The following GMPR2 variants were observed in gnomAD, a reference collection of about 807,000 sequenced individuals.
GMPR2 encodes the protein GMP reductase 2.
GMPR2 carries 32 observed loss-of-function variants against 38.5 expected under a neutral mutation model. The ratio of observed to expected loss-of-function variants is 0.83; its 90% CI spans 0.63 to 1.12. The LOEUF (loss-of-function observed/expected upper bound fraction) is 1.12, where lower values mean the gene tolerates loss of function less well. Ranked by LOEUF, GMPR2 falls within the 50% of genes most tolerant of loss-of-function variation. The pLI is 0.00. For missense variants in GMPR2, 396 were observed against 432.1 expected, an observed-to-expected ratio of 0.92 and a Z score of 0.74; for synonymous variants, 154 against 151.0, an observed-to-expected ratio of 1.02 and a Z score of -0.15.
At position 24,235,810 on chromosome 14, in the gene GMPR2, A is replaced by T; in HGVS notation, c.281A>T (p.Asp94Val). 6.2e-7 allele frequency: 1 copy of T among 1,612,656 alleles called. No homozygotes were observed. The highest frequency in any genetic ancestry group is 2.2e-5 in the East Asian group (1 of 44,880). ...CAAGAGTTTGCTGGCCAGAATCCTG[A>T]CTGTCTTGAGGTAACACTGGGCATA... Reference protein sequence around the residue: ...QWQEFAGQNPDCLEHLAASSG... With the variant: ...QWQEFAGQNPVCLEHLAASSG... The change falls in exon 4 of 10, where the codon GAC (aspartate) becomes GTC (valine). Residue 94 changes from aspartate (D) to valine (V), a missense_variant. By Grantham distance (152) the Asp-to-Val change is radical. Transcript: ENST00000399440.
At chr14:24,237,870 C>A in intron 8 of GMPR2, 1 of 496,648 alleles carries the variant, frequency 2.0e-6, no homozygotes, top group Non-Finnish European at 3.6e-6. Flanking sequence ...TTTTGCACAG[C>A]TTCCCAGGAG....
Position 24,238,881 on chromosome 14 carries a change from C to T in GMPR2, c.*103C>T, listed in dbSNP as rs1705380309. ...CTACTGCAGCTCTGTATTACTTTGTCATTTCCTGTTGTCTCACTCCTGAGG... is the reference window on the plus strand; with the variant it reads ...CTACTGCAGCTCTGTATTACTTTGTTATTTCCTGTTGTCTCACTCCTGAGG... On this transcript the variant is annotated 3_prime_UTR_variant, in exon 10 of 10. Coordinates refer to ENST00000399440, the MANE Select transcript of GMPR2 (RefSeq NM_001002002.3). 1.0e-6 allele frequency: 1 copy of T among 965,254 alleles called. No individual in the cohort carries two copies. The highest frequency in any genetic ancestry group is 1.6e-5 in the African/African-American group (1 of 62,418). 59.8% of individuals were successfully genotyped at this position (965,254 alleles called of 1,614,324 possible).
chr14:24,238,227 C>T lies in GMPR2; in HGVS notation c.698-19C>T, dbSNP rs1289929901. 3 of 1,596,340 alleles carry T rather than the reference C, an allele frequency of 1.9e-6. No individual in the cohort carries two copies. The African/African-American group carries it at 4.0e-5, about 21-fold the overall frequency. ...CCTTGGCCAGATTAATCTCTTTCCCCCCTCCATGATGGTGGCAGGGGCAGG... is the reference window on the plus strand; with the variant it reads ...CCTTGGCCAGATTAATCTCTTTCCCTCCTCCATGATGGTGGCAGGGGCAGG... On this transcript the variant is annotated intron_variant, in intron 8 of 9. Transcript: ENST00000399440.
At chr14:24,234,342 C>A in intron 3 of GMPR2, 1 of 603,512 alleles carries the variant, frequency 1.7e-6, no homozygotes, top group South Asian at 1.9e-5. Context: ...CTCCATTAGT[C>A]TTAAGGACTT....
chr14:24,236,039 C>T lies in GMPR2; in HGVS notation c.364C>T (p.Gln122Ter). 2 of 1,613,550 alleles carry T rather than the reference C, an allele frequency of 1.2e-6. No homozygotes were observed. Among genetic ancestry groups the T allele is most frequent in the Non-Finnish European group, 1.7e-6 (2 of 1,179,436 alleles). ...QLEQILEAIP[Q>*]VKYICLDVAN... ...GGAACAGATCCTGGAAGCTATTCCC[C>T]AGGTGAAGTATATATGCCTGGATGT... is the stretch of plus-strand genomic sequence containing the variant. Residue 122 changes from glutamine to a stop codon, truncating the protein, a stop_gained, in exon 5 of 10, where the codon CAG (glutamine) becomes TAG (stop). Coordinates refer to ENST00000399440, the MANE Select transcript of GMPR2 (RefSeq NM_001002002.3). LOFTEE classifies it high-confidence loss of function.
chr14:24,237,010 A>G, intron 5 of GMPR2, 61 bp from the exon 6 acceptor site: 1 of 1,228,864 alleles, frequency 8.1e-7, no homozygotes, highest in African/African-American at 1.5e-5. Flanking sequence ...GCATACCGTA[A>G]CAATACATGA....
chr14:24,234,113 G>A, intron 3 of GMPR2: 2 of 1,289,110 alleles, frequency 1.6e-6, no homozygotes, highest in Non-Finnish European at 1.0e-6. Context: ...TAAGTCCTAG[G>A]TTCCTGGGAG....
At chr14:24,237,915 C>T (rs1566684359) in intron 8 of GMPR2, 2 of 472,598 alleles carry the variant, frequency 4.2e-6, no homozygotes, top group Non-Finnish European at 3.7e-6. Flanking sequence ...GATCTTTGCT[C>T]TTGGGACACA....
intron 4 of GMPR2, 60 bp from the exon 5 acceptor site, chr14:24,235,907 G>A: frequency 6.3e-7 from 1 of 1,588,334 alleles, no homozygotes; most frequent in Non-Finnish European, 8.6e-7. Context: ...ACTCACCAAT[G>A]ACCCACTGGC....
Position 24,239,175 on chromosome 14 carries a change from T to C in GMPR2, c.*397T>C, listed in dbSNP as rs1422566309. 5.4e-6 allele frequency: 2 copies of C among 371,246 alleles called. No individual in the cohort carries two copies. The highest frequency in any genetic ancestry group is 4.2e-5 in the African/African-American group (2 of 47,084). The allele number at this position is 371,246 out of a possible 1,614,324, so 23.0% of individuals were successfully genotyped here. ...CTTCACTAAATTGGACCTTCACATA[T>C]CTAAAAAGCTCTGAAGTGTTTGTAT... is the stretch of plus-strand genomic sequence containing the variant. On this transcript the variant is annotated 3_prime_UTR_variant, in exon 10 of 10. Coordinates refer to ENST00000399440, the MANE Select transcript of GMPR2 (RefSeq NM_001002002.3).
intron 3 of GMPR2, chr14:24,234,268 A>G (rs901288736): frequency 7.0e-6 from 9 of 1,283,850 alleles, no homozygotes; most frequent in African/African-American, 3.0e-5. Flanking sequence ...GCACTTTGAG[A>G]ACATATGCAC....
In GMPR2 at chr14:24,233,200, A is replaced by G; in HGVS notation, c.-35-19A>G. 6.2e-7 allele frequency: 1 copy of G among 1,612,924 alleles called. No individual in the cohort carries two copies. The highest frequency in any genetic ancestry group is 8.5e-7 in the Non-Finnish European group (1 of 1,179,994). On this transcript the variant is annotated intron_variant, in intron 1 of 9. Coordinates refer to ENST00000399440, the MANE Select transcript of GMPR2 (RefSeq NM_001002002.3). ...AAAGCCCAGGGGAAGATTGGTCCTT[A>G]TGACTTCCTGCCTTCCAGCCCTCAG... is the stretch of plus-strand genomic sequence containing the variant.
chr14:24,236,791 T>C lies in GMPR2; in HGVS notation c.466-280T>C, dbSNP rs545211474. ...TGTGTCCCTGTTGATCATAGCACCT[T>C]GTTGCCTTAGAAAAGTGCATCATGG... On this transcript the variant is annotated intron_variant, in intron 5 of 9. Transcript: ENST00000399440. Among the ~76,000 whole-genome samples, 75 of 152,334 alleles carry C rather than the reference T, an allele frequency of 4.9e-4. 2 individuals are homozygous for C. Among genetic ancestry groups the C allele is most frequent in the Admixed American group, 4.8e-3 (74 of 15,308 alleles).
chr14:24,238,701 C>T lies in GMPR2; in HGVS notation c.970C>T (p.Leu324Phe). 1 of 1,613,986 alleles carries T rather than the reference C, an allele frequency of 6.2e-7. No homozygotes were observed. Among genetic ancestry groups the T allele is most frequent in the Non-Finnish European group, 8.5e-7 (1 of 1,179,908 alleles). ...GTGTACCTATGTGGGAGCAGCTAAGCTCAAAGAGTTGAGCAGGAGAACTAC... is the reference window on the plus strand; with the variant it reads ...GTGTACCTATGTGGGAGCAGCTAAGTTCAAAGAGTTGAGCAGGAGAACTAC... ...STCTYVGAAK[L>F]KELSRRTTFI... is the part of the protein sequence containing the mutation. The change falls in exon 10 of 10, where the codon CTC (leucine) becomes TTC (phenylalanine). Residue 324 changes from leucine (L) to phenylalanine (F), a missense_variant. Leu to Phe is a conservative substitution (Grantham distance 22). Transcript: ENST00000399440.
intron 3 of GMPR2, 55 bp from the exon 4 acceptor site, chr14:24,235,680 GAA>G (rs2040303646): frequency 3.4e-6 from 4 of 1,164,614 alleles, no homozygotes; most frequent in Middle Eastern, 1.9e-4. Context: ...TCTGTTTCTA[GAA>G]AAGAGACCTT....
chr14:24,237,630 G>A lies in GMPR2; in HGVS notation c.697+68G>A, dbSNP rs561194459. 3,102 of 1,375,772 alleles carry A rather than the reference G, an allele frequency of 2.3e-3. 5 individuals are homozygous for A. The highest frequency in any genetic ancestry group is 2.7e-3 in the Non-Finnish European group (2,611 of 962,924). 85.2% of individuals were successfully genotyped at this position (1,375,772 alleles called of 1,614,324 possible). On this transcript the variant is annotated intron_variant, in intron 8 of 9. Coordinates refer to ENST00000399440, the MANE Select transcript of GMPR2 (RefSeq NM_001002002.3). ...GATGAATCACCTCTGAGGGTCTAGG[G>A]TCAGGCTAAGAGAGGCTCAGGAAGT...
intron 3 of GMPR2, among the ~76,000 whole-genome samples, chr14:24,234,425 T>C (rs1204618449): frequency 6.6e-6 from 1 of 152,280 alleles, no homozygotes; most frequent in Non-Finnish European, 1.5e-5. Context: ...TTGATAGTTA[T>C]GCAGTTTTAT....
chr14:24,234,162 T>C (rs1442975428), intron 3 of GMPR2: 4 of 1,289,092 alleles, frequency 3.1e-6, no homozygotes, highest in South Asian at 1.2e-5. Context: ...GTTTTTCTTA[T>C]ATACAAGTTG....
intron 3 of GMPR2, chr14:24,234,224 A>G (rs766216219): frequency 1.6e-5 from 21 of 1,289,580 alleles, no homozygotes; most frequent in Non-Finnish European, 2.1e-5. Context: ...ACCTGCCTCT[A>G]TACTTGTTGC....
Sources: allele counts gnomAD v4.1 joint callset (sites outside exome capture counted in the v4.1 genomes callset), GRCh38; gene constraint gnomAD v4.1.1; transcripts MANE v1.5; gene names NCBI Gene and HGNC (gene_info 2026-07-23, HGNC 2026-07-21).